IDE: variants seen among roughly 807,000 people sequenced by gnomAD.
IDE encodes the protein insulin-degrading enzyme.
Under a neutral mutation model 133.2 loss-of-function variants are expected in IDE, and 58 were observed. The observed-to-expected ratio is 0.44, with a 90% confidence interval of 0.35 to 0.54. The LOEUF (loss-of-function observed/expected upper bound fraction) is 0.54, where lower values mean the gene tolerates loss of function less well. IDE is among the 20% of genes least tolerant of loss of function. The probability of loss-of-function intolerance (pLI) is 0.00; values close to 1 mark genes in which losing one functional copy is unlikely to be tolerated. For synonymous variants in IDE, 396 were observed against 421.3 expected (o/e 0.94, Z 0.73); for missense variants, 981 against 1,234.0 (o/e 0.79, Z 3.07).
rs1435992919 is a variant in IDE at position 92,473,680 on chromosome 10, T to A, written c.2116+1161A>T. On this transcript the variant is annotated intron_variant, in intron 17 of 24. Transcript: ENST00000265986. ...AAGACTTTGAAGTTCAGCTAACTTT[T>A]TCTTAAAACTTCAATATTGGCCGGT... Among the ~76,000 whole-genome samples, 3 of 152,004 alleles carry A rather than the reference T, an allele frequency of 2.0e-5. No homozygotes were observed. In the East Asian group the frequency reaches 5.8e-4, roughly 29 times the overall value.
At chr10:92,514,171 T>C (rs1266713578) in intron 5 of IDE, among the ~76,000 whole-genome samples, 2 of 152,176 alleles carry the variant, frequency 1.3e-5, no homozygotes, top group Admixed American at 6.5e-5. Flanking sequence ...TTAAGACTGA[T>C]ACTGTTAAAC....
intron 23 of IDE, 87 bp downstream of exon 23, chr10:92,456,272 T>C: frequency 1.1e-6 from 1 of 885,338 alleles, no homozygotes; most frequent in Non-Finnish European, 1.9e-6. Context: ...TTTTACTTTC[T>C]GGTGTTCTAT....
intron 1 of IDE, among the ~76,000 whole-genome samples, chr10:92,555,304 C>A (rs373751604): frequency 6.6e-6 from 1 of 151,940 alleles, no homozygotes; most frequent in Non-Finnish European, 1.5e-5. Flanking sequence ...TCAAGACCAG[C>A]CTGACCAACA....
At chr10:92,455,158 T>G (rs1457111488) in intron 24 of IDE, among the ~76,000 whole-genome samples, 1 of 152,094 alleles carries the variant, frequency 6.6e-6, no homozygotes, top group Non-Finnish European at 1.5e-5. Flanking sequence ...AACTTTTAGT[T>G]CATCACTTTT....
Position 92,470,185 on chromosome 10 carries a change from G to C in IDE, c.2208+69C>G, listed in dbSNP as rs571776410. 6.7e-6 allele frequency: 7 copies of C among 1,039,800 alleles called. No homozygotes were observed. The African/African-American group carries it at 1.1e-4, about 17-fold the overall frequency. The allele number at this position is 1,039,800 out of a possible 1,614,324, so 64.4% of individuals were successfully genotyped here. A position where few individuals can be genotyped will look rare whatever the true frequency, so the allele number is the denominator to read the frequency against. ...TCACACCATGCTGGTTAACAATCTT[G>C]AGAAAGACTAGAGGGAAAAAATATC... On this transcript the variant is annotated intron_variant, in intron 18 of 24. Coordinates refer to ENST00000265986, the MANE Select transcript of IDE (RefSeq NM_004969.4).
intron 23 of IDE, 77 bp downstream of exon 23, chr10:92,456,282 T>C: frequency 2.1e-6 from 2 of 953,410 alleles, no homozygotes; most frequent in South Asian, 1.3e-5. Flanking sequence ...TGGTGTTCTA[T>C]AAGGCATGTA....
chr10:92,556,149 C>T lies in IDE; in HGVS notation c.98+17773G>A, dbSNP rs532335798. Among the ~76,000 whole-genome samples, 25 of 120,196 alleles carry T rather than the reference C, an allele frequency of 2.1e-4. No individual in the cohort carries two copies. The East Asian group carries it at 2.3e-3, about 11-fold the overall frequency. 78.9% of individuals were successfully genotyped at this position (120,196 alleles called of 152,430 possible). On this transcript the variant is annotated intron_variant, in intron 1 of 24. Transcript: ENST00000265986. ...GATTGCACCACTGCAGTCCGCAGTC[C>T]GGCCTGGGTGACAGAGCGAGACTCC...
At chr10:92,572,672 T>A (rs74151656) in intron 1 of IDE, among the ~76,000 whole-genome samples, 9,121 of 152,270 alleles carry the variant, frequency 0.06, 382 homozygotes, top group African/African-American at 0.098. Flanking sequence ...AGCATTACCC[T>A]ACTGTTATAA....
chr10:92,478,766 A>G, intron 15 of IDE: 1 of 1,259,156 alleles, frequency 7.9e-7, no homozygotes, highest in Non-Finnish European at 1.0e-6. Context: ...GTTGCAATGG[A>G]GAGGATCAGC....
chr10:92,525,415 T>A (rs1282744360), intron 4 of IDE, among the ~76,000 whole-genome samples: 7 of 152,196 alleles, frequency 4.6e-5, no homozygotes, highest in Non-Finnish European at 7.3e-5. Flanking sequence ...AGGCTGTATA[T>A]GACAAACTCA....
chr10:92,534,213 T>C (rs1850110054), intron 3 of IDE, among the ~76,000 whole-genome samples: 1 of 152,178 alleles, frequency 6.6e-6, no homozygotes, highest in Admixed American at 6.5e-5. Flanking sequence ...CTAAGCATCC[T>C]TGAGAAGCAA....
chr10:92,460,850 G>A (rs1845342959), intron 22 of IDE, among the ~76,000 whole-genome samples: 2 of 152,224 alleles, frequency 1.3e-5, no homozygotes, highest in South Asian at 4.1e-4. Context: ...TAGGTGTTTT[G>A]GTTTTTTTGA....
Position 92,454,421 on chromosome 10 carries a change from A to C in IDE, c.*23T>G. Reference sequence around the variant, plus strand: ...AAGACTCAGGAATGCATCCACTTGCACTTTCCCATGCATGGGGAATCTTCA... The same window carrying C: ...AAGACTCAGGAATGCATCCACTTGCCCTTTCCCATGCATGGGGAATCTTCA... On this transcript the variant is annotated 3_prime_UTR_variant, in exon 25 of 25. Transcript: ENST00000265986. The C allele has an allele frequency of 6.7e-7, 1 of 1,502,504 alleles. No homozygotes were observed. The highest frequency in any genetic ancestry group is 9.3e-7 in the Non-Finnish European group (1 of 1,078,094). 93.1% of individuals were successfully genotyped at this position (1,502,504 alleles called of 1,614,324 possible). A position where few individuals can be genotyped will look rare whatever the true frequency, so the allele number is the denominator to read the frequency against.
At chr10:92,517,493 G>T (rs141653967) in intron 4 of IDE, among the ~76,000 whole-genome samples, 1 of 152,106 alleles carries the variant, frequency 6.6e-6, no homozygotes, top group African/African-American at 2.4e-5. Flanking sequence ...CTGCAGCCTC[G>T]ATCTCCTGGG....
chr10:92,478,909 T>C (rs1846435302), intron 15 of IDE: 3 of 370,626 alleles, frequency 8.1e-6, no homozygotes, highest in Non-Finnish European at 1.2e-5. Context: ...AGGGAAATAG[T>C]ATATGCCAAC....
At chr10:92,556,859 G>A (rs1564677933) in intron 1 of IDE, among the ~76,000 whole-genome samples, 1 of 151,346 alleles carries the variant, frequency 6.6e-6, no homozygotes, top group Non-Finnish European at 1.5e-5. Context: ...GGGAGGTGGA[G>A]GTTGCAGTGA....
intron 11 of IDE, among the ~76,000 whole-genome samples, chr10:92,499,762 A>G (rs892608239): frequency 2.6e-5 from 4 of 152,068 alleles, no homozygotes; most frequent in African/African-American, 9.7e-5. Flanking sequence ...ACTGCTTTTC[A>G]TGTTCTATCT....
intron 1 of IDE, among the ~76,000 whole-genome samples, chr10:92,539,254 C>A (rs1480049090): frequency 2.6e-5 from 4 of 151,196 alleles, no homozygotes; most frequent in Non-Finnish European, 4.4e-5. Context: ...AGAGGAGATA[C>A]GGAATTTTAA....
intron 1 of IDE, among the ~76,000 whole-genome samples, chr10:92,565,245 G>GAA (rs1157438934): frequency 1.7e-4 from 16 of 93,138 alleles, no homozygotes; most frequent in South Asian, 7.2e-4. Context: ...CTCTGTCTCA[G>GAA]AAAAAAAAAA....
Sources: allele counts gnomAD v4.1 joint callset (sites outside exome capture counted in the v4.1 genomes callset), GRCh38; gene constraint gnomAD v4.1.1; transcripts MANE v1.5; gene names NCBI Gene and HGNC (gene_info 2026-07-23, HGNC 2026-07-21).